The following CLIC5 variants were observed in gnomAD, a reference collection of about 807,000 sequenced individuals.
The protein encoded by CLIC5 is CLIC family member 5, also known as chloride intracellular channel protein 5.
CLIC5 carries 20 observed loss-of-function variants against 24.7 expected under a neutral mutation model. The ratio of observed to expected loss-of-function variants is 0.81; its 90% CI spans 0.57 to 1.18. The LOEUF (loss-of-function observed/expected upper bound fraction) is 1.18. Among genes scored for constraint, CLIC5 ranks in the 50% most tolerant of loss-of-function variants. CLIC5 has a pLI of 0.00. For missense variants in CLIC5, 341 were observed against 326.1 expected (o/e 1.05, Z -0.35); for synonymous variants, 159 against 135.6 (o/e 1.17, Z -1.20).
the CLIC5 span, among the ~76,000 whole-genome samples, chr6:46,096,392 G>A: frequency 7.2e-5 from 11 of 152,292 alleles, no homozygotes; most frequent in East Asian, 1.9e-4. Flanking sequence ...TATCCACACC[G>A]TGCAATGCTG....
chr6:46,085,914 G>A, the CLIC5 span, among the ~76,000 whole-genome samples: 1 of 152,252 alleles, frequency 6.6e-6, no homozygotes, highest in Non-Finnish European at 1.5e-5. Context: ...AAGTTTCCCG[G>A]CTGCTTTGTT....
chr6:45,962,030 G>A (rs887880576), intron 1 of CLIC5, among the ~76,000 whole-genome samples: 1 of 148,856 alleles, frequency 6.7e-6, no homozygotes. Flanking sequence ...GTGTGTGTGT[G>A]TGTATTTATA....
At chr6:45,910,305 A>T (rs550588308) in intron 5 of CLIC5, among the ~76,000 whole-genome samples, 1 of 152,278 alleles carries the variant, frequency 6.6e-6, no homozygotes, top group South Asian at 2.1e-4. Context: ...AAGGTACTTA[A>T]ATCTCTAAAT....
intron 1 of CLIC5, among the ~76,000 whole-genome samples, chr6:45,963,498 C>G (rs967497151): frequency 6.6e-6 from 1 of 152,132 alleles, no homozygotes; most frequent in Non-Finnish European, 1.5e-5. Flanking sequence ...TTGCTGACAT[C>G]CTCCTTTTTC....
Position 46,015,492 on chromosome 6 carries a change from C to A in CLIC5, c.51G>T (p.Glu17Asp). ...ANGDDRDPEI[E>D]LFVKAGIDGE... ...GACCCCGACCTACCTTCACAAAGAG[C>A]TCGATCTCGGGGTCCCTGTCGTCCC... The change falls in exon 1 of 6, where the codon GAG (glutamate) becomes GAT (aspartate). Residue 17 changes from glutamate to aspartate, a missense_variant. Coordinates refer to ENST00000339561, the MANE Select transcript of CLIC5 (RefSeq NM_016929.5). 6.4e-7 allele frequency: 1 copy of A among 1,556,254 alleles called. No homozygotes were observed.
the CLIC5 span, among the ~76,000 whole-genome samples, chr6:46,114,817 A>G: frequency 6.6e-6 from 1 of 152,186 alleles, no homozygotes; most frequent in Admixed American, 6.5e-5. Context: ...GAGGTCCTGC[A>G]TGTGTCTGAG....
At position 45,901,621 on chromosome 6, in the gene CLIC5, G is replaced by A. The variant is rs774509858; in HGVS notation, c.*1467C>T. 2.0e-5 allele frequency: 3 copies of A among 152,330 alleles called. No individual in the cohort carries two copies. Among genetic ancestry groups the A allele is most frequent in the Admixed American group, 6.5e-5 (1 of 15,282 alleles). The allele number at this position is 152,330 out of a possible 1,614,324, so 9.4% of individuals were successfully genotyped here. A position where few individuals can be genotyped will look rare whatever the true frequency, so the allele number is the denominator to read the frequency against. ...CCTGTGGCAAATGGATTTTCTCACC[G>A]GGCGTTCACTGGGAGAAGGAGTTGA... On this transcript the variant is annotated 3_prime_UTR_variant, in exon 6 of 6. Coordinates refer to ENST00000339561, the MANE Select transcript of CLIC5 (RefSeq NM_016929.5).
At chr6:46,105,137 G>A in the CLIC5 span, among the ~76,000 whole-genome samples, 13 of 152,150 alleles carry the variant, frequency 8.5e-5, no homozygotes, top group Admixed American at 5.9e-4. Flanking sequence ...GAATGCAGCC[G>A]GACAGATGTG....
chr6:45,912,642 CA>C, intron 5 of CLIC5: 1 of 1,524,248 alleles, frequency 6.6e-7, no homozygotes, highest in Non-Finnish European at 8.8e-7. Context: ...GCAGCAAATA[CA>C]GGACCGGAAC....
intron 1 of CLIC5, among the ~76,000 whole-genome samples, chr6:46,030,411 TCCTA>T (rs1421767458): frequency 6.6e-6 from 1 of 152,150 alleles, no homozygotes; most frequent in Non-Finnish European, 1.5e-5. Context: ...CATAGAACCT[TCCTA>T]ACTGCTCTTT....
chr6:46,099,637 C>T, the CLIC5 span, among the ~76,000 whole-genome samples: 1 of 152,120 alleles, frequency 6.6e-6, no homozygotes. Context: ...TATGTATGTA[C>T]ATATGCTAAG....
rs1472172313 is a variant in CLIC5 at position 46,059,962 on chromosome 6, C to A, written c.540+19741G>T. Among the ~76,000 whole-genome samples the A allele has an allele frequency of 4.6e-5, 7 of 152,134 alleles. 1 individual carries two copies. The highest frequency in any genetic ancestry group is 3.9e-4 in the Admixed American group (6 of 15,278). On this transcript the variant is annotated intron_variant, in intron 1 of 5. Coordinates refer to the CLIC5 transcript ENST00000185206. ...ATAGTTTGAAGTCTTAGATTTAAGT[C>A]TTTAATCCAATTTTGATTTGATTTT...
At chr6:46,040,716 G>A (rs1767783997) in intron 1 of CLIC5, among the ~76,000 whole-genome samples, 1 of 152,074 alleles carries the variant, frequency 6.6e-6, no homozygotes. Context: ...GGTGATAGTA[G>A]TGGCTGTGGT....
At chr6:45,986,545 T>G (rs1765743909) in intron 1 of CLIC5, among the ~76,000 whole-genome samples, 1 of 152,226 alleles carries the variant, frequency 6.6e-6, no homozygotes, top group Non-Finnish European at 1.5e-5. Flanking sequence ...AGGGCCACTT[T>G]GGGGTCAAGA....
At chr6:45,926,244 T>TATATATATATATATATA (rs1479166444) in intron 4 of CLIC5, among the ~76,000 whole-genome samples, 2 of 95,932 alleles carry the variant, frequency 2.1e-5, no homozygotes, top group African/African-American at 5.8e-5. Context: ...TATATATATA[T>TATATATATATATATATA]TTTATTTTTT....
At chr6:46,104,303 C>T in the CLIC5 span, among the ~76,000 whole-genome samples, 3 of 152,030 alleles carry the variant, frequency 2.0e-5, no homozygotes, top group African/African-American at 7.2e-5. Context: ...AGAGCACATT[C>T]TTTTTGTCTC....
At chr6:46,082,192 T>A (rs1173458595), upstream of CLIC5, among the ~76,000 whole-genome samples, 1 of 152,196 alleles carries the variant, frequency 6.6e-6, no homozygotes, top group African/African-American at 2.4e-5. Context: ...AAGAATAGTA[T>A]ACAGCATGTG....
At chr6:45,890,106 T>C (rs1247956007) in intron 6 of CLIC5, among the ~76,000 whole-genome samples, 1 of 152,242 alleles carries the variant, frequency 6.6e-6, no homozygotes. Flanking sequence ...TACTGAGTAG[T>C]TTGAGTTCCT....
intron 1 of CLIC5, among the ~76,000 whole-genome samples, chr6:46,048,487 T>C (rs1472887109): frequency 6.6e-6 from 1 of 152,130 alleles, no homozygotes; most frequent in Non-Finnish European, 1.5e-5. Flanking sequence ...TGCTTGCTCT[T>C]TGGCCTCATA....
Sources: allele counts gnomAD v4.1 joint callset (sites outside exome capture counted in the v4.1 genomes callset), GRCh38; gene constraint gnomAD v4.1.1; transcripts MANE v1.5; gene names NCBI Gene and HGNC (gene_info 2026-07-23, HGNC 2026-07-21).